Variants in CAPN3 observed in about 807,000 individuals in gnomAD.
CAPN3 encodes calpain-3.
Under a neutral mutation model 114.0 loss-of-function variants are expected in CAPN3, and 88 were observed. The ratio of observed to expected loss-of-function variants is 0.77; its 90% CI spans 0.65 to 0.92. CAPN3 has a LOEUF of 0.92. Among genes scored for constraint, CAPN3 ranks in the 40% least tolerant of loss-of-function variants. The pLI is 0.00. For synonymous variants in CAPN3, 386 were observed against 382.9 expected (o/e 1.01, Z -0.09); for missense variants, 1,028 against 1,069.0 (o/e 0.96, Z 0.53).
At chr15:42,389,899 T>C in intron 5 of CAPN3, 54 bp from the exon 6 acceptor site, 4 of 1,594,162 alleles carry the variant, frequency 2.5e-6, no homozygotes, top group Non-Finnish European at 3.4e-6. Flanking sequence ...CACCCTTCTG[T>C]GTTTGTTCTC....
At chr15:42,375,771 A>G (rs1347730283) in intron 1 of CAPN3, among the ~76,000 whole-genome samples, 1 of 152,232 alleles carries the variant, frequency 6.6e-6, no homozygotes, top group Admixed American at 6.5e-5. Context: ...TTGCATTAGT[A>G]CAGTACATTT....
At chr15:42,394,418 A>G in intron 8 of CAPN3, 77 bp downstream of exon 8, 1 of 1,135,662 alleles carries the variant, frequency 8.8e-7, no homozygotes, top group South Asian at 1.3e-5. Flanking sequence ...GAACTGAGCC[A>G]TGAGAGTATT....
chr15:42,369,067 TA>T (rs1239155007), intron 1 of CAPN3, among the ~76,000 whole-genome samples: 1 of 152,210 alleles, frequency 6.6e-6, no homozygotes, highest in Non-Finnish European at 1.5e-5. Flanking sequence ...TCTTACAGAC[TA>T]AGTGTATTTA....
At chr15:42,398,025 A>C (rs1376408036) in intron 9 of CAPN3, among the ~76,000 whole-genome samples, 1 of 152,118 alleles carries the variant, frequency 6.6e-6, no homozygotes. Context: ...TGTCTTAAAA[A>C]AAAAGTGCTG....
chr15:42,402,051 G>C, intron 11 of CAPN3, 73 bp from the exon 12 acceptor site: 2 of 1,593,888 alleles, frequency 1.3e-6, no homozygotes, highest in Non-Finnish European at 1.7e-6. Context: ...GGCTGCAGTT[G>C]CTGGCATTGC....
intron 12 of CAPN3, chr15:42,402,425 A>C: frequency 1.4e-6 from 2 of 1,435,816 alleles, no homozygotes; most frequent in Non-Finnish European, 1.8e-6. Context: ...ACACAGTCAC[A>C]CAGACGCGTT....
intron 7 of CAPN3, among the ~76,000 whole-genome samples, chr15:42,393,332 C>T (rs1454166551): frequency 6.6e-6 from 1 of 151,984 alleles, no homozygotes; most frequent in African/African-American, 2.4e-5. Context: ...TATTTTTGAT[C>T]CACAATTGGT....
rs1237444643 is a variant in CAPN3 at position 42,389,074 on chromosome 15, C to T, written c.779C>T (p.Ser260Phe). Residue 260 changes from serine (S) to phenylalanine (F), a missense_variant, in exon 5 of 24, where the codon TCC becomes TTC. Transcript: ENST00000397163. Reference protein sequence around the residue: ...KIMKKAIERGSLMGCSIDDGT... With the variant: ...KIMKKAIERGFLMGCSIDDGT... ...ATGAAGAAAGCCATCGAGAGAGGCT[C>T]CCTCATGGGCTGCTCCATTGATGTA... The T allele has an allele frequency of 6.2e-7, 1 of 1,614,022 alleles. No homozygotes were observed. The highest frequency in any genetic ancestry group is 1.7e-5 in the Admixed American group (1 of 60,010).
intron 15 of CAPN3, among the ~76,000 whole-genome samples, chr15:42,406,241 G>A (rs185071799): frequency 1.1e-4 from 17 of 152,344 alleles, no homozygotes; most frequent in Non-Finnish European, 4.4e-5. Context: ...AAAAGGTACA[G>A]ACTTGACTAA....
chr15:42,362,604 GC>G (rs1268289096), intron 1 of CAPN3, among the ~76,000 whole-genome samples: 7 of 152,184 alleles, frequency 4.6e-5, no homozygotes, highest in Admixed American at 3.9e-4. Flanking sequence ...CAGGAACACT[GC>G]CCATTGGGTT....
At chr15:42,383,208 G>C (rs952835490) in intron 1 of CAPN3, among the ~76,000 whole-genome samples, 90 of 152,168 alleles carry the variant, frequency 5.9e-4, no homozygotes, top group African/African-American at 2.1e-3. Flanking sequence ...TTGTGATGGG[G>C]GTTGGGGGAA....
intron 10 of CAPN3, among the ~76,000 whole-genome samples, chr15:42,400,122 T>G (rs2053823481): frequency 1.3e-5 from 2 of 152,230 alleles, no homozygotes; most frequent in Admixed American, 1.3e-4. Flanking sequence ...ACAGAATGGT[T>G]GTACGGGTAC....
At chr15:42,384,411 A>C in intron 1 of CAPN3, 72 bp from the exon 2 acceptor site, 1 of 1,161,346 alleles carries the variant, frequency 8.6e-7, no homozygotes, top group South Asian at 1.2e-5. Flanking sequence ...ACTCCGTCTC[A>C]AAAAAATACC....
At chr15:42,380,751 A>ATATATATATATATATTTTT (rs1436943739) in intron 1 of CAPN3, among the ~76,000 whole-genome samples, 1 of 64,484 alleles carries the variant, frequency 1.6e-5, no homozygotes, top group African/African-American at 9.0e-5. Flanking sequence ...ATATATATAT[A>ATATATATATATATATTTTT]TTTTTTTTTT....
chr15:42,377,603 A>G (rs1332574102), intron 1 of CAPN3, among the ~76,000 whole-genome samples: 1 of 152,220 alleles, frequency 6.6e-6, no homozygotes, highest in African/African-American at 2.4e-5. Flanking sequence ...TTCTATGTTC[A>G]TAACAGATAT....
intron 1 of CAPN3, among the ~76,000 whole-genome samples, chr15:42,370,021 C>T (rs143392843): frequency 0.053 from 8,009 of 151,760 alleles, 651 homozygotes; most frequent in African/African-American, 0.17. Flanking sequence ...TACAGGTGCC[C>T]GGCACCACGC....
Position 42,366,828 on chromosome 15 carries a change from C to CTTTTTT in CAPN3, c.309+6720_309+6725dup, listed in dbSNP as rs545010219. On this transcript the variant is annotated intron_variant, in intron 1 of 23. Coordinates refer to ENST00000397163, the MANE Select transcript of CAPN3 (RefSeq NM_000070.3). Reference sequence around the variant, plus strand: ...CGACCCTCACAGAATTCTTTTTTTTCTTTTTTTTTTTCTTTTTTTTTTTGA... The same window carrying CTTTTTT: ...CGACCCTCACAGAATTCTTTTTTTTCTTTTTTTTTTTTTTTTTCTTTTTTTTTTTGA... Among the ~76,000 whole-genome samples the CTTTTTT allele has an allele frequency of 8.4e-4, 107 of 127,806 alleles. 6 individuals carry two copies. Among genetic ancestry groups the CTTTTTT allele is most frequent in the African/African-American group, 1.7e-3 (49 of 29,176 alleles). The allele number at this position is 127,806 out of a possible 152,430, so 83.8% of individuals were successfully genotyped here. A position where few individuals can be genotyped will look rare whatever the true frequency, so the allele number is the denominator to read the frequency against.
Position 42,408,374 on chromosome 15 carries a change from T to C in CAPN3, c.1914+50T>C, listed in dbSNP as rs778384342. On this transcript the variant is annotated intron_variant, in intron 16 of 23. Transcript: ENST00000397163. ...GGGTGGCCAGCACGCTACAGGGGCT[T>C]CCTATGCGCTTGGGATACACAGGGG... The C allele has an allele frequency of 1.9e-5, 22 of 1,148,716 alleles. No individual in the cohort carries two copies. The South Asian group carries it at 2.6e-4, about 14-fold the overall frequency. 71.2% of individuals were successfully genotyped at this position (1,148,716 alleles called of 1,614,324 possible). A position where few individuals can be genotyped will look rare whatever the true frequency, so the allele number is the denominator to read the frequency against.
chr15:42,401,487 C>T (rs993651361), intron 10 of CAPN3, among the ~76,000 whole-genome samples, 154 bp from the exon 11 acceptor site: 1 of 103,552 alleles, frequency 9.7e-6, no homozygotes, highest in African/African-American at 3.6e-5. Context: ...CCCCCCCCCC[C>T]AAATCATTAG....
Sources: allele counts gnomAD v4.1 joint callset (sites outside exome capture counted in the v4.1 genomes callset), GRCh38; gene constraint gnomAD v4.1.1; transcripts MANE v1.5; gene names NCBI Gene and HGNC (gene_info 2026-07-23, HGNC 2026-07-21).